The following ST3GAL4 variants were observed in gnomAD, a reference collection of about 807,000 sequenced individuals.
ST3GAL4 encodes the protein CMP-N-acetylneuraminate-beta-galactosamide-alpha-2,3-sialyltransferase 4.
Under a neutral mutation model 42.6 loss-of-function variants are expected in ST3GAL4, and 24 were observed. The ratio of observed to expected loss-of-function variants is 0.56; its 90% CI spans 0.41 to 0.79. ST3GAL4 has a LOEUF of 0.79. Ranked by LOEUF, ST3GAL4 falls within the 30% of genes least tolerant of loss-of-function variation. The pLI, the probability that ST3GAL4 is intolerant of heterozygous loss-of-function variation, is 0.00. For synonymous variants in ST3GAL4, 135 were observed against 163.2 expected, an observed-to-expected ratio of 0.83 and a Z score of 1.32; for missense variants, 311 against 430.8, an observed-to-expected ratio of 0.72 and a Z score of 2.46.
At position 126,411,169 on chromosome 11, in the gene ST3GAL4, G is replaced by C. The variant is rs868736126; in HGVS notation, c.771+1758G>C. On this transcript the variant is annotated intron_variant, in intron 9 of 10. Coordinates refer to ENST00000444328, the MANE Select transcript of ST3GAL4 (RefSeq NM_001254757.2). This position sits in a 1 kb window ranked among gnomAD's most constrained non-coding sequence, Gnocchi z 6.3. ...TGTTGGTTGTTTTTTTTTTTGAGAT[G>C]GAGTCTTGCTCTGTCACCCAGGCTG... Among the ~76,000 whole-genome samples the C allele has an allele frequency of 4.0e-5, 6 of 151,246 alleles. No individual in the cohort carries two copies. Among genetic ancestry groups the C allele is most frequent in the Admixed American group, 6.6e-5 (1 of 15,212 alleles).
At chr11:126,374,377 G>A (rs903594580) in intron 1 of ST3GAL4, among the ~76,000 whole-genome samples, 7 of 151,048 alleles carry the variant, frequency 4.6e-5, no homozygotes, top group South Asian at 2.1e-4. Context: ...GCTTGAACCC[G>A]GGAGGTGGAG....
intron 1 of ST3GAL4, among the ~76,000 whole-genome samples, chr11:126,371,443 G>A (rs541126012): frequency 1.3e-5 from 2 of 152,220 alleles, no homozygotes; most frequent in African/African-American, 4.8e-5. Context: ...GATTATAGGC[G>A]TGAGCCACCG....
chr11:126,407,757 T>G (rs1591491200), intron 6 of ST3GAL4, 123 bp downstream of exon 6: 11 of 1,030,188 alleles, frequency 1.1e-5, no homozygotes, highest in Non-Finnish European at 1.4e-5. Flanking sequence ...TCCCAGCCAA[T>G]TCTCATGGTA....
chr11:126,377,482 T>C (rs1281227278), intron 1 of ST3GAL4, among the ~76,000 whole-genome samples: 7 of 142,464 alleles, frequency 4.9e-5, no homozygotes, highest in South Asian at 2.3e-4. Context: ...ACACCTTCTT[T>C]TTTTTTTTTT....
intron 1 of ST3GAL4, among the ~76,000 whole-genome samples, chr11:126,374,838 G>A (rs1180801291): frequency 6.6e-6 from 1 of 151,852 alleles, no homozygotes; most frequent in Non-Finnish European, 1.5e-5. Context: ...TTGATCGGGT[G>A]GATTCTAACC....
chr11:126,358,402 GC>G, intron 1 of ST3GAL4: 1 of 422,030 alleles, frequency 2.4e-6, no homozygotes, highest in South Asian at 1.7e-5. Context: ...CTTCTTTGTT[GC>G]CCCCTTCCCA....
intron 1 of ST3GAL4, among the ~76,000 whole-genome samples, chr11:126,371,135 A>G (rs896729032): frequency 1.5e-5 from 2 of 131,490 alleles, no homozygotes; most frequent in Non-Finnish European, 3.2e-5. Flanking sequence ...ATGTGCTACT[A>G]TGATCTATTC....
In ST3GAL4 at chr11:126,384,548, G is replaced by A. The variant is rs1280156615; in HGVS notation, c.-60-21548G>A. ...GTGGGGTCACCATGGACAGGAGGCTGGTGTCTGGTCAGGCTGAGGGATCCG... is the reference window on the plus strand; with the variant it reads ...GTGGGGTCACCATGGACAGGAGGCTAGTGTCTGGTCAGGCTGAGGGATCCG... On this transcript the variant is annotated intron_variant, in intron 1 of 10. Coordinates refer to ENST00000444328, the MANE Select transcript of ST3GAL4 (RefSeq NM_001254757.2). This position sits in a 1 kb window ranked among gnomAD's most constrained non-coding sequence, Gnocchi z 5.5. Among the ~76,000 whole-genome samples the A allele has an allele frequency of 2.0e-5, 3 of 152,142 alleles. No individual in the cohort carries two copies. The highest frequency in any genetic ancestry group is 1.9e-4 in the East Asian group (1 of 5,182).
rs1007688145 is a variant in ST3GAL4, at chr11:126,384,695, C to T, written c.-60-21401C>T. Reference sequence around the variant, plus strand: ...CCACCTCCCTAGGGGCCTCCTCCCCCTCCCCTTCTGCATGCCACCACACCC... The same window carrying T: ...CCACCTCCCTAGGGGCCTCCTCCCCTTCCCCTTCTGCATGCCACCACACCC... On this transcript the variant is annotated intron_variant, in intron 1 of 10. Transcript: ENST00000444328. The surrounding 1 kb of genome is among the most constrained non-coding windows in gnomAD (Gnocchi z 5.5). 8 of 985,278 alleles carry T rather than the reference C, an allele frequency of 8.1e-6. No individual in the cohort carries two copies. In the African/African-American group the frequency reaches 1.2e-4, roughly 15 times the overall value. The allele number at this position is 985,278 out of a possible 1,614,324, so 61.0% of individuals were successfully genotyped here.
rs1397353577 is a variant in ST3GAL4, at chr11:126,396,469, C to G, written c.-60-9627C>G. Among the ~76,000 whole-genome samples, 4 of 151,996 alleles carry G rather than the reference C, an allele frequency of 2.6e-5. No homozygotes were observed. The highest frequency in any genetic ancestry group is 9.7e-5 in the African/African-American group (4 of 41,262). On this transcript the variant is annotated intron_variant, in intron 1 of 10. Coordinates refer to ENST00000444328, the MANE Select transcript of ST3GAL4 (RefSeq NM_001254757.2). The surrounding 1 kb of genome is among the most constrained non-coding windows in gnomAD (Gnocchi z 5.8). ...GCAGGCATTAGTGGTCCCATGAATA[C>G]AGCTGTGTGCCTTGAACACGTACTG...
Position 126,398,479 on chromosome 11 carries a change from T to C in ST3GAL4, c.-60-7617T>C, listed in dbSNP as rs1177751033. On this transcript the variant is annotated intron_variant, in intron 1 of 10. Coordinates refer to ENST00000444328, the MANE Select transcript of ST3GAL4 (RefSeq NM_001254757.2). This position sits in a 1 kb window ranked among gnomAD's most constrained non-coding sequence, Gnocchi z 4.7. The stretch of plus-strand genomic sequence containing the variant: ...ATTCCATGCAGCAGCTCTCACCGGT[T>C]GGAGTCTCATGCTTGCAGCTCCCCC... Among the ~76,000 whole-genome samples, 1 of 152,236 alleles carries C rather than the reference T, an allele frequency of 6.6e-6. No homozygotes were observed. Among genetic ancestry groups the C allele is most frequent in the Non-Finnish European group, 1.5e-5 (1 of 68,032 alleles).
intron 1 of ST3GAL4, among the ~76,000 whole-genome samples, chr11:126,401,462 GA>G (rs1953986855): frequency 6.6e-6 from 1 of 151,778 alleles, no homozygotes. Context: ...AGCTACTAGG[GA>G]GGCACAAGAA....
intron 1 of ST3GAL4, among the ~76,000 whole-genome samples, chr11:126,404,376 ATGTAC>A (rs1178352666): frequency 6.6e-6 from 1 of 152,178 alleles, no homozygotes; most frequent in African/African-American, 2.4e-5. Context: ...GTACTTTCTG[ATGTAC>A]TCTACTGTGT....
intron 9 of ST3GAL4, among the ~76,000 whole-genome samples, chr11:126,412,633 G>A (rs146519521): frequency 1.3e-5 from 2 of 152,296 alleles, no homozygotes; most frequent in African/African-American, 4.8e-5. Context: ...CTTGAGCCCA[G>A]GAGTTCGAGA....
At chr11:126,362,667 A>G (rs1213047851) in intron 1 of ST3GAL4, among the ~76,000 whole-genome samples, 1 of 152,126 alleles carries the variant, frequency 6.6e-6, no homozygotes. Context: ...GTGGCTCACT[A>G]GGAGCTGTCC....
intron 1 of ST3GAL4, among the ~76,000 whole-genome samples, chr11:126,405,430 A>T (rs1954182770): frequency 6.6e-6 from 1 of 152,092 alleles, no homozygotes; most frequent in African/African-American, 2.4e-5. Flanking sequence ...TGTGCTCCCC[A>T]TTTAAACACC....
In ST3GAL4 at chr11:126,373,607, G is replaced by A. The variant is rs778777003; in HGVS notation, c.-61+17765G>A. Among the ~76,000 whole-genome samples the A allele has an allele frequency of 7.9e-5, 12 of 152,298 alleles. No individual in the cohort carries two copies. The highest frequency in any genetic ancestry group is 3.4e-3 in the Middle Eastern group (1 of 294). On this transcript the variant is annotated intron_variant, in intron 1 of 10. Coordinates refer to ENST00000444328, the MANE Select transcript of ST3GAL4 (RefSeq NM_001254757.2). The surrounding 1 kb of genome is among the most constrained non-coding windows in gnomAD (Gnocchi z 5.5). ...GTCTGCAGTGCCAGGCTGCAGGGGCGGACGGGAGGGGGTCGTGGTGGGTAG... is the reference window on the plus strand; with the variant it reads ...GTCTGCAGTGCCAGGCTGCAGGGGCAGACGGGAGGGGGTCGTGGTGGGTAG...
At chr11:126,399,979 A>G (rs1049841686) in intron 1 of ST3GAL4, among the ~76,000 whole-genome samples, 1 of 151,824 alleles carries the variant, frequency 6.6e-6, no homozygotes, top group African/African-American at 2.4e-5. Flanking sequence ...ATCCCGCTTT[A>G]TTGCCTGCCT....
At position 126,359,124 on chromosome 11, in the gene ST3GAL4, G is replaced by C. The variant is rs1425968500; in HGVS notation, c.-61+3282G>C. On this transcript the variant is annotated intron_variant, in intron 1 of 10. Coordinates refer to ENST00000444328, the MANE Select transcript of ST3GAL4 (RefSeq NM_001254757.2). The surrounding 1 kb of genome is among the most constrained non-coding windows in gnomAD (Gnocchi z 4.8). ...AAGAGTGCTGGGACCAGTTTGGAGA[G>C]TGCTAAGGAATGCTGGTCTGCAGCG... is the stretch of plus-strand genomic sequence containing the variant. Among the ~76,000 whole-genome samples, 1 of 152,166 alleles carries C rather than the reference G, an allele frequency of 6.6e-6. No individual in the cohort carries two copies. The highest frequency in any genetic ancestry group is 1.5e-5 in the Non-Finnish European group (1 of 68,032).
Sources: gnomAD v4.1 joint callset for allele counts (sites outside exome capture counted in the v4.1 genomes callset) on GRCh38, gnomAD v4.1.1 for gene constraint, Gnocchi (gnomAD v3.1) non-coding constraint, MANE v1.5 for transcripts, NCBI Gene and HGNC (gene_info 2026-07-23, HGNC 2026-07-21) for gene names.